The following NEDD4 variants were observed in gnomAD, a reference collection of about 807,000 sequenced individuals.
NEDD4 encodes the protein NEDD4 E3 ubiquitin protein ligase, also known as E3 ubiquitin-protein ligase NEDD4.
A neutral mutation model predicts 144.9 loss-of-function variants in NEDD4; 99 were observed. The observed-to-expected ratio is 0.68, with a 90% CI of 0.58 to 0.81. The LOEUF is 0.81. Among genes scored for constraint, NEDD4 ranks in the 30% least tolerant of loss-of-function variants. NEDD4 has a pLI of 0.00. For missense variants in NEDD4, 985 were observed against 1,065.9 expected, an observed-to-expected ratio of 0.92 and a Z score of 1.06; for synonymous variants, 318 against 350.6, an observed-to-expected ratio of 0.91 and a Z score of 1.04.
chr15:55,910,557 C>T lies in NEDD4; in HGVS notation c.291+14089G>A, dbSNP rs1382742219. On this transcript the variant is annotated intron_variant, in intron 5 of 28. Transcript: ENST00000435532. ...CCAAAATTATAATTTATCTTCCCTT[C>T]CCATCTCACTGTATACCTTCCCTAA... is the stretch of plus-strand genomic sequence containing the variant. Among the ~76,000 whole-genome samples, 9 of 152,264 alleles carry T rather than the reference C, an allele frequency of 5.9e-5. No individual in the cohort carries two copies. The South Asian group carries it at 1.9e-3, about 32-fold the overall frequency.
intron 5 of NEDD4, among the ~76,000 whole-genome samples, chr15:55,917,796 G>A (rs1400550414): frequency 6.6e-6 from 1 of 151,662 alleles, no homozygotes; most frequent in Non-Finnish European, 1.5e-5. Flanking sequence ...CCAAGAAATA[G>A]CCTAAGCAAA....
At chr15:55,931,337 G>T (rs1463982460) in intron 4 of NEDD4, among the ~76,000 whole-genome samples, 1 of 152,052 alleles carries the variant, frequency 6.6e-6, no homozygotes, top group Non-Finnish European at 1.5e-5. Context: ...GGAATAGGAG[G>T]GAGGACAGAA....
intron 2 of NEDD4, among the ~76,000 whole-genome samples, chr15:55,956,686 C>T (rs67944364): frequency 0.13 from 20,453 of 152,198 alleles, 1,499 homozygotes; most frequent in East Asian, 0.32. Context: ...TCTCATGCCA[C>T]TGCCACTCTG....
At position 55,850,679 on chromosome 15, in the gene NEDD4, A is replaced by C. The variant is rs1268338518; in HGVS notation, c.1210T>G (p.Ser404Ala). Residue 404 changes from serine to alanine, a missense_variant, in exon 14 of 29, where the codon TCC (serine) becomes GCC (alanine). Coordinates refer to ENST00000435532, the MANE Select transcript of NEDD4 (RefSeq NM_006154.4). The part of the protein sequence containing the change: ...QSSAGPQSQA[S>A]TSDSGQQVTQ... ...ACCTGCTGGCCTGAATCACTGGTGG[A>C]GGCTTGTGATTGAGGGCCTGCAGAA... is the stretch of plus-strand genomic sequence containing the variant. 2 of 1,614,126 alleles carry C rather than the reference A, an allele frequency of 1.2e-6. No individual in the cohort carries two copies. The highest frequency in any genetic ancestry group is 1.7e-6 in the Non-Finnish European group (2 of 1,180,036).
intron 5 of NEDD4, among the ~76,000 whole-genome samples, chr15:55,875,008 G>C (rs1258819941): frequency 3.3e-5 from 5 of 151,370 alleles, no homozygotes; most frequent in Non-Finnish European, 5.9e-5. Flanking sequence ...ACTCTCCTCA[G>C]GGAAATATAA....
intron 4 of NEDD4, among the ~76,000 whole-genome samples, chr15:55,938,918 C>A (rs2036943061): frequency 1.3e-5 from 2 of 152,034 alleles, no homozygotes; most frequent in Admixed American, 1.3e-4. Context: ...CCAGCCTGGG[C>A]AAAACAGTGT....
rs560565754 is a variant in NEDD4, at chr15:55,885,720, TTAAAACA to T, written c.292-11719_292-11713del. Among the ~76,000 whole-genome samples the T allele has an allele frequency of 5.0e-4, 76 of 151,262 alleles. No individual in the cohort carries two copies. In the South Asian group the frequency reaches 0.015, roughly 30 times the overall value. On this transcript the variant is annotated intron_variant, in intron 5 of 28. Transcript: ENST00000435532. Reference sequence around the variant, plus strand: ...TACACAAAAAATTAAAAGACAGAAATTAAAACATACCACCAGATAAAATCACCTTCAC... The same window carrying T: ...TACACAAAAAATTAAAAGACAGAAATTACCACCAGATAAAATCACCTTCAC...
intron 28 of NEDD4, among the ~76,000 whole-genome samples, chr15:55,830,286 A>G (rs1215495382): frequency 1.3e-5 from 2 of 152,202 alleles, no homozygotes; most frequent in Admixed American, 1.3e-4. Flanking sequence ...CCCATCACTC[A>G]TCACTCAGTT....
chr15:55,859,423 G>A (rs1251340042), intron 11 of NEDD4, among the ~76,000 whole-genome samples: 1 of 152,222 alleles, frequency 6.6e-6, no homozygotes, highest in East Asian at 1.9e-4. Flanking sequence ...GCCAGAAGCA[G>A]TGGCTCATGC....
rs12906245 is a variant in NEDD4, at chr15:55,838,491, T to A, written c.2127+18A>T. 0.086 allele frequency: 132,898 copies of A among 1,541,996 alleles called. 6,304 individuals are homozygous for A. Among genetic ancestry groups the A allele is most frequent in the Non-Finnish European group, 0.097 (108,134 of 1,115,792 alleles). On this transcript the variant is annotated intron_variant, in intron 22 of 28. Transcript: ENST00000435532. ...CTCACAATTTATGTGCCATTTTAAC[T>A]GATCAAAATTCACAAACCTGTCCAA...
intron 2 of NEDD4, among the ~76,000 whole-genome samples, chr15:55,964,671 G>A (rs1422499071): frequency 6.9e-6 from 1 of 145,562 alleles, no homozygotes; most frequent in Non-Finnish European, 1.5e-5. Context: ...GTGTGTGTGT[G>A]TGTGTGTGAA....
intron 18 of NEDD4, among the ~76,000 whole-genome samples, chr15:55,846,489 A>C (rs989896047): frequency 6.6e-6 from 1 of 152,232 alleles, no homozygotes; most frequent in Non-Finnish European, 1.5e-5. Context: ...GACAAGTCAC[A>C]AGAGCACAGT....
intron 5 of NEDD4, among the ~76,000 whole-genome samples, chr15:55,910,246 C>T (rs1438593968): frequency 3.9e-5 from 6 of 152,170 alleles, no homozygotes; most frequent in Non-Finnish European, 8.8e-5. Context: ...CCTATGCTGG[C>T]TGTTTCTGCT....
intron 1 of NEDD4, among the ~76,000 whole-genome samples, chr15:55,982,651 T>A (rs1446213100): frequency 6.6e-6 from 1 of 152,198 alleles, no homozygotes; most frequent in Non-Finnish European, 1.5e-5. Context: ...TGTATCATAA[T>A]TGGGTCATTG....
chr15:55,967,270 C>T (rs2037529932), intron 1 of NEDD4, among the ~76,000 whole-genome samples: 1 of 151,968 alleles, frequency 6.6e-6, no homozygotes, highest in Non-Finnish European at 1.5e-5. Flanking sequence ...TAATGTGTGG[C>T]TATTATAATG....
At chr15:55,912,805 C>G (rs952981319) in intron 5 of NEDD4, among the ~76,000 whole-genome samples, 2 of 152,044 alleles carry the variant, frequency 1.3e-5, no homozygotes, top group Non-Finnish European at 1.5e-5. Context: ...ATTATATAGC[C>G]TTTACAAAAG....
intron 1 of NEDD4, among the ~76,000 whole-genome samples, chr15:55,991,356 A>T (rs1404597055): frequency 6.6e-6 from 1 of 152,186 alleles, no homozygotes; most frequent in Non-Finnish European, 1.5e-5. Flanking sequence ...ATAGACCAGA[A>T]AATAAATGGC....
At position 55,965,687 on chromosome 15, in the gene NEDD4, T is replaced by C. The variant is rs201885262; in HGVS notation, c.119+786A>G. On this transcript the variant is annotated intron_variant, in intron 2 of 28. Coordinates refer to ENST00000435532, the MANE Select transcript of NEDD4 (RefSeq NM_006154.4). ...GTATGTATGTATGTATGTATGTATG[T>C]ATGCATGCATGTTTGTATGTATTTT... is the stretch of plus-strand genomic sequence containing the variant. Among the ~76,000 whole-genome samples the C allele has an allele frequency of 2.2e-3, 333 of 150,422 alleles. 3 individuals are homozygous for C. The Middle Eastern group carries it at 0.031, about 14-fold the overall frequency.
At chr15:55,851,397 C>T (rs962204769) in intron 13 of NEDD4, among the ~76,000 whole-genome samples, 3 of 151,882 alleles carry the variant, frequency 2.0e-5, no homozygotes, top group African/African-American at 7.3e-5. Flanking sequence ...CAAGCAGCAC[C>T]TCATTCTATA....
Sources: gnomAD v4.1 joint callset for allele counts (sites outside exome capture counted in the v4.1 genomes callset) on GRCh38, gnomAD v4.1.1 for gene constraint, MANE v1.5 for transcripts, NCBI Gene and HGNC (gene_info 2026-07-23, HGNC 2026-07-21) for gene names.